Variants in DIAPH3 observed in about 807,000 individuals in gnomAD.
DIAPH3 encodes protein diaphanous homolog 3.
Under a neutral mutation model 144.3 loss-of-function variants are expected in DIAPH3, and 117 were observed. The observed-to-expected ratio is 0.81, with a 90% CI of 0.70 to 0.95. The LOEUF (loss-of-function observed/expected upper bound fraction) is 0.95. DIAPH3 is among the 40% of genes least tolerant of loss of function. The pLI, the probability that DIAPH3 is intolerant of heterozygous loss-of-function variation, is 0.00. For synonymous variants in DIAPH3, 519 were observed against 488.9 expected, an observed-to-expected ratio of 1.06 and a Z score of -0.81; for missense variants, 1,421 against 1,412.7, an observed-to-expected ratio of 1.01 and a Z score of -0.09.
At chr13:60,124,834 CAA>C (rs935501504) in intron 2 of DIAPH3, among the ~76,000 whole-genome samples, 2 of 140,016 alleles carry the variant, frequency 1.4e-5, no homozygotes, top group Non-Finnish European at 1.6e-5. Flanking sequence ...GACCCTGTCT[CAA>C]AAAAAAAAAG....
chr13:59,788,485 T>C (rs2039150329), intron 25 of DIAPH3, among the ~76,000 whole-genome samples: 1 of 152,130 alleles, frequency 6.6e-6, no homozygotes, highest in South Asian at 2.1e-4. Context: ...AGAAAAAAGA[T>C]TGCACATATC....
intron 17 of DIAPH3, among the ~76,000 whole-genome samples, chr13:59,958,615 T>C (rs1335722924): frequency 6.6e-6 from 1 of 151,964 alleles, no homozygotes; most frequent in Non-Finnish European, 1.5e-5. Flanking sequence ...AAAACATATA[T>C]AATTTAATTA....
chr13:59,700,459 CAGAG>C (rs537250692), intron 27 of DIAPH3, among the ~76,000 whole-genome samples: 3 of 151,980 alleles, frequency 2.0e-5, no homozygotes, highest in African/African-American at 7.2e-5. Flanking sequence ...GAGGATGTGG[CAGAG>C]AGAGAGAGCT....
intron 22 of DIAPH3, among the ~76,000 whole-genome samples, chr13:59,844,963 C>A (rs2042552019): frequency 6.6e-6 from 1 of 152,172 alleles, no homozygotes; most frequent in Admixed American, 6.5e-5. Context: ...AGGCATTTTA[C>A]TTGACAAATA....
chr13:59,982,390 T>C (rs1287615647), intron 13 of DIAPH3, among the ~76,000 whole-genome samples: 5 of 151,372 alleles, frequency 3.3e-5, no homozygotes, highest in African/African-American at 1.2e-4. Context: ...ACAGCACCAT[T>C]TTCTTAATTT....
chr13:59,966,813 G>A (rs902271230), intron 17 of DIAPH3, among the ~76,000 whole-genome samples: 3 of 151,984 alleles, frequency 2.0e-5, no homozygotes, highest in Non-Finnish European at 4.4e-5. Flanking sequence ...AAATAGCCTC[G>A]GTTCTCAGTC....
Position 59,992,073 on chromosome 13 carries a change from T to C in DIAPH3, c.1239A>G (p.Glu413=). ...LSHRLEDIRA[E]LDEAYDVYNM... ...ACTTCAGAACAAAAGGATATTCAAG[T>C]TCAGCTCTAATATCTTCAAGGCGAT... The change falls in exon 11 of 28, where the codon GAA becomes GAG. Residue 413 remains glutamate (E), a synonymous_variant. Transcript: ENST00000400324. 6.2e-7 allele frequency: 1 copy of C among 1,609,162 alleles called. No individual in the cohort carries two copies. The highest frequency in any genetic ancestry group is 1.3e-5 in the African/African-American group (1 of 74,830).
intron 25 of DIAPH3, among the ~76,000 whole-genome samples, chr13:59,783,663 ATTACTTAGTCTC>A (rs2038872768): frequency 6.6e-6 from 1 of 152,218 alleles, no homozygotes; most frequent in Non-Finnish European, 1.5e-5. Context: ...TATTGGGCAT[ATTACTTAGTCTC>A]TAAAACCCTC....
intron 17 of DIAPH3, among the ~76,000 whole-genome samples, chr13:59,930,894 C>T (rs1227169998): frequency 6.6e-6 from 1 of 152,090 alleles, no homozygotes; most frequent in Non-Finnish European, 1.5e-5. Flanking sequence ...GGATGAGTTC[C>T]AAAAGTTGAT....
intron 24 of DIAPH3, among the ~76,000 whole-genome samples, chr13:59,828,040 T>C (rs1160578141): frequency 1.3e-5 from 2 of 152,056 alleles, no homozygotes; most frequent in African/African-American, 2.4e-5. Flanking sequence ...ATTAATGCTA[T>C]ACAACACTAC....
intron 17 of DIAPH3, among the ~76,000 whole-genome samples, chr13:59,926,099 C>T (rs1000049519): frequency 2.0e-5 from 3 of 152,276 alleles, no homozygotes; most frequent in Middle Eastern, 3.4e-3. Context: ...GATCCTCCCA[C>T]CTCAGCCTCC....
At chr13:59,789,080 G>C (rs976754292) in intron 25 of DIAPH3, among the ~76,000 whole-genome samples, 1 of 152,200 alleles carries the variant, frequency 6.6e-6, no homozygotes, top group Non-Finnish European at 1.5e-5. Context: ...GTGTTATGTA[G>C]GGTCTAGGGT....
At chr13:59,700,465 G>A (rs1566194172) in intron 27 of DIAPH3, among the ~76,000 whole-genome samples, 1 of 152,208 alleles carries the variant, frequency 6.6e-6, no homozygotes. Flanking sequence ...GTGGCAGAGA[G>A]AGAGAGCTCA....
intron 12 of DIAPH3, among the ~76,000 whole-genome samples, chr13:59,986,518 A>G: frequency 3.2e-5 from 1 of 31,286 alleles, no homozygotes; most frequent in Non-Finnish European, 6.3e-5. Context: ...AAAAGAAACT[A>G]CCATCAGAGT....
chr13:60,060,629 G>T (rs896291434), intron 4 of DIAPH3, among the ~76,000 whole-genome samples: 2 of 152,048 alleles, frequency 1.3e-5, no homozygotes, highest in African/African-American at 4.8e-5. Context: ...CATCCTCTTT[G>T]TAACTAACTG....
At chr13:60,042,660 G>A in intron 5 of DIAPH3, 30 bp downstream of exon 5, 1 of 1,612,480 alleles carries the variant, frequency 6.2e-7, no homozygotes, top group Non-Finnish European at 8.5e-7. Context: ...AATGACATCT[G>A]CCCTGTTGGT....
intron 5 of DIAPH3, among the ~76,000 whole-genome samples, chr13:60,019,707 T>G (rs766826892): frequency 2.0e-5 from 3 of 151,958 alleles, no homozygotes; most frequent in Non-Finnish European, 4.4e-5. Flanking sequence ...ACTTTGAAAT[T>G]CAGTTACTAC....
chr13:60,082,960 T>C (rs552854989), intron 4 of DIAPH3, among the ~76,000 whole-genome samples: 17 of 152,240 alleles, frequency 1.1e-4, no homozygotes, highest in African/African-American at 3.6e-4. Context: ...CACGCTTTTT[T>C]AGTTTTCTAT....
At chr13:60,124,068 C>T (rs1011145380) in intron 2 of DIAPH3, among the ~76,000 whole-genome samples, 1 of 152,206 alleles carries the variant, frequency 6.6e-6, no homozygotes, top group African/African-American at 2.4e-5. Flanking sequence ...AAAGCTCAGT[C>T]CTATTAGGCC....
Sources: gnomAD v4.1 joint callset for allele counts (sites outside exome capture counted in the v4.1 genomes callset) on GRCh38, gnomAD v4.1.1 for gene constraint, MANE v1.5 for transcripts, NCBI Gene and HGNC (gene_info 2026-07-23, HGNC 2026-07-21) for gene names.